Variants in CLEC12A observed in about 807,000 individuals in gnomAD.
The protein encoded by CLEC12A is C-type lectin protein CLL-1.
A neutral mutation model predicts 26.5 loss-of-function variants in CLEC12A; 22 were observed. The ratio of observed to expected loss-of-function variants is 0.83; its 90% CI spans 0.59 to 1.19. CLEC12A has a LOEUF of 1.19. CLEC12A is among the 50% of genes most tolerant of loss of function. The pLI, the probability that CLEC12A is intolerant of heterozygous loss-of-function variation, is 0.00. For missense variants in CLEC12A, 353 were observed against 315.6 expected, an observed-to-expected ratio of 1.12 and a Z score of -0.90; for synonymous variants, 119 against 101.9, an observed-to-expected ratio of 1.17 and a Z score of -1.01.
intron 1 of CLEC12A, among the ~76,000 whole-genome samples, chr12:9,965,868 G>A (rs1863931789): frequency 6.6e-6 from 1 of 152,138 alleles, no homozygotes; most frequent in African/African-American, 2.4e-5. Flanking sequence ...GGTAAGGGGT[G>A]CAGGATCAGT....
At chr12:10,002,543 C>A in the CLEC12A span, among the ~76,000 whole-genome samples, 1 of 87,238 alleles carries the variant, frequency 1.1e-5, no homozygotes, top group Non-Finnish European at 2.7e-5. Context: ...CCCGGGTTCA[C>A]CCCATTCTCC....
chr12:9,986,869 T>G (rs1864779641), downstream of CLEC12A, among the ~76,000 whole-genome samples: 1 of 152,182 alleles, frequency 6.6e-6, no homozygotes, highest in Non-Finnish European at 1.5e-5. Flanking sequence ...CATATAGGCT[T>G]CTTTAAGTTG....
In CLEC12A at chr12:9,971,679, G is replaced by T. The variant is rs781030619; in HGVS notation, c.83G>T (p.Gly28Val). Residue 28 changes from glycine (G) to valine (V), a missense_variant, in exon 1 of 6, where the codon GGG (glycine) becomes GTG (valine). Coordinates refer to ENST00000304361, the MANE Select transcript of CLEC12A (RefSeq NM_138337.6). ...MEKIPEIGKF[G>V]EKAPPAPSHV... ...AAAATCCCAGAAATTGGCAAATTTG[G>T]GGAAAAAGGTAAGATTTTGAGTTAT... is the stretch of plus-strand genomic sequence containing the variant. 2 of 1,608,284 alleles carry T rather than the reference G, an allele frequency of 1.2e-6. No individual in the cohort carries two copies. The highest frequency in any genetic ancestry group is 2.2e-5 in the East Asian group (1 of 44,568).
chr12:9,997,486 G>A (rs2137243113), downstream of CLEC12A, among the ~76,000 whole-genome samples: 1 of 152,184 alleles, frequency 6.6e-6, no homozygotes, highest in South Asian at 2.1e-4. Flanking sequence ...GGGTTAATAA[G>A]TGAACTGTTT....
intron 1 of CLEC12A, among the ~76,000 whole-genome samples, chr12:9,953,831 A>G (rs1200691227): frequency 6.6e-6 from 1 of 152,106 alleles, no homozygotes; most frequent in East Asian, 1.9e-4. Flanking sequence ...AGAAAGAAGT[A>G]GACATGGGAG....
At chr12:9,972,755 A>G (rs1056099282) in intron 1 of CLEC12A, among the ~76,000 whole-genome samples, 1 of 152,210 alleles carries the variant, frequency 6.6e-6, no homozygotes, top group African/African-American at 2.4e-5. Context: ...AGGATAGCAG[A>G]TTAATTCTGT....
chr12:9,983,632 C>T, intron 5 of CLEC12A: 2 of 619,428 alleles, frequency 3.2e-6, no homozygotes, highest in Admixed American at 5.3e-5. Flanking sequence ...CAGGAGACAG[C>T]TCTGAGTCAA....
intron 4 of CLEC12A, among the ~76,000 whole-genome samples, chr12:9,994,737 T>G (rs923523270): frequency 6.6e-6 from 1 of 152,100 alleles, no homozygotes; most frequent in Non-Finnish European, 1.5e-5. Context: ...ATAACAACTT[T>G]CAACTGTAAA....
At chr12:9,995,493 T>A (rs1465643446) in exon 5 of CLEC12A, 1 of 424,490 alleles carries the variant, frequency 2.4e-6, no homozygotes, top group Non-Finnish European at 4.4e-6. Context: ...TTTGTGTTTA[T>A]AACATGTATT....
chr12:10,004,479 C>T, the CLEC12A span, among the ~76,000 whole-genome samples: 5 of 152,168 alleles, frequency 3.3e-5, no homozygotes, highest in Non-Finnish European at 7.4e-5. Flanking sequence ...CCAAACTACT[C>T]TCTGACCACT....
chr12:9,990,846 C>CCTT (rs1864876351), intron 4 of CLEC12A: 1 of 152,206 alleles, frequency 6.6e-6, no homozygotes, highest in South Asian at 2.1e-4. Flanking sequence ...TCTACCCCAT[C>CCTT]CTTCAGCAAC....
upstream of CLEC12A, among the ~76,000 whole-genome samples, chr12:9,966,930 T>G (rs578133908): frequency 1.4e-4 from 20 of 139,544 alleles, no homozygotes; most frequent in East Asian, 4.0e-3. Flanking sequence ...CTAAACGCTA[T>G]CTGATTTGGG....
At chr12:10,004,587 G>T in the CLEC12A span, among the ~76,000 whole-genome samples, 1 of 151,454 alleles carries the variant, frequency 6.6e-6, no homozygotes, top group Non-Finnish European at 1.5e-5. Context: ...TCATCTCCTC[G>T]TCTGCTCATC....
chr12:9,994,092 G>A (rs1280950541), intron 4 of CLEC12A, among the ~76,000 whole-genome samples: 1 of 152,080 alleles, frequency 6.6e-6, no homozygotes, highest in African/African-American at 2.4e-5. Flanking sequence ...TTTAAGGGAG[G>A]CTAATTTAGT....
In CLEC12A at chr12:9,980,753, AC is replaced by A; in HGVS notation, c.531+22del. The stretch of plus-strand genomic sequence containing the variant: ...GCATTGGTAAAGCCCAGGTGTTTCT[AC>A]CATCATGGGATAGAGAGGGGTGTGG... On this transcript the variant is annotated intron_variant, in intron 4 of 5. Coordinates refer to ENST00000304361, the MANE Select transcript of CLEC12A (RefSeq NM_138337.6). 1 of 1,611,906 alleles carries A rather than the reference AC, an allele frequency of 6.2e-7. No homozygotes were observed. The highest frequency in any genetic ancestry group is 8.5e-7 in the Non-Finnish European group (1 of 1,178,764).
chr12:9,987,961 A>G (rs1864808657), downstream of CLEC12A, among the ~76,000 whole-genome samples: 1 of 152,068 alleles, frequency 6.6e-6, no homozygotes, highest in Non-Finnish European at 1.5e-5. Context: ...GGTGCCCACC[A>G]TCACACCTGG....
At chr12:9,969,011 A>G (rs1864037745), upstream of CLEC12A, among the ~76,000 whole-genome samples, 1 of 152,182 alleles carries the variant, frequency 6.6e-6, no homozygotes, top group Non-Finnish European at 1.5e-5. Context: ...AAAGACAAAT[A>G]TCACATGTTT....
exon 5 of CLEC12A, chr12:9,995,253 T>C: frequency 6.3e-7 from 1 of 1,591,038 alleles, no homozygotes; most frequent in Non-Finnish European, 8.6e-7. Flanking sequence ...ACTCCTATTG[T>C]AAACATAAAT....
chr12:9,985,552 T>G lies in CLEC12A; in HGVS notation c.*526T>G. ...GACATGCATTTATTACCTCTTAAAA[T>G]TATTATTTTAAGTAAAAGCCAATAA... On this transcript the variant is annotated 3_prime_UTR_variant, in exon 6 of 6. Coordinates refer to ENST00000304361, the MANE Select transcript of CLEC12A (RefSeq NM_138337.6). 2.5e-6 allele frequency: 1 copy of G among 398,550 alleles called. No homozygotes were observed. The highest frequency in any genetic ancestry group is 3.6e-5 in the East Asian group (1 of 28,066). The allele number at this position is 398,550 out of a possible 1,614,324, so 24.7% of individuals were successfully genotyped here.
Sources: gnomAD v4.1 joint callset for allele counts (sites outside exome capture counted in the v4.1 genomes callset) on GRCh38, gnomAD v4.1.1 for gene constraint, MANE v1.5 for transcripts, NCBI Gene and HGNC (gene_info 2026-07-23, HGNC 2026-07-21) for gene names.